The following MPRIP variants were observed in gnomAD, a reference collection of about 807,000 sequenced individuals.
MPRIP encodes the protein myosin phosphatase Rho-interacting protein.
A neutral mutation model predicts 234.9 loss-of-function variants in MPRIP; 59 were observed. The observed-to-expected ratio is 0.25, with a 90% CI of 0.20 to 0.31. The LOEUF (loss-of-function observed/expected upper bound fraction) is 0.31, where lower values mean the gene tolerates loss of function less well. Among genes scored for constraint, MPRIP ranks in the 10% least tolerant of loss-of-function variants. The pLI is 1.00. For synonymous variants in MPRIP, 1,144 were observed against 1,263.9 expected (o/e 0.91, Z 2.01); for missense variants, 2,436 against 3,071.0 (o/e 0.79, Z 4.89).
chr17:17,177,136 C>T, intron 21 of MPRIP, 114 bp from the exon 22 acceptor site: 1 of 1,089,794 alleles, frequency 9.2e-7, no homozygotes, highest in Non-Finnish European at 1.4e-6. Context: ...CAAGCCTCCT[C>T]TTCCGCCCAC....
intron 6 of MPRIP, among the ~76,000 whole-genome samples, chr17:17,137,371 A>G (rs919995643): frequency 6.6e-6 from 1 of 152,098 alleles, no homozygotes; most frequent in African/African-American, 2.4e-5. Flanking sequence ...AAAATTAGCC[A>G]GATGTGGGGG....
At chr17:17,163,033 C>T (rs1037683761) in intron 15 of MPRIP, among the ~76,000 whole-genome samples, 4 of 152,188 alleles carry the variant, frequency 2.6e-5, no homozygotes, top group African/African-American at 9.7e-5. Context: ...AATACCTTTT[C>T]CCTAAGTCTA....
At chr17:17,123,142 A>G (rs1454686925) in intron 3 of MPRIP, among the ~76,000 whole-genome samples, 1 of 152,172 alleles carries the variant, frequency 6.6e-6, no homozygotes, top group East Asian at 1.9e-4. Flanking sequence ...CCATTTATGC[A>G]AGGTATCCAG....
In MPRIP at chr17:17,189,891, T is replaced by C. The variant is rs2046552807; in HGVS notation, c.*4997T>C. 1 of 152,238 alleles carries C rather than the reference T, an allele frequency of 6.6e-6. No homozygotes were observed. The highest frequency in any genetic ancestry group is 1.5e-5 in the Non-Finnish European group (1 of 68,040). 9.4% of individuals were successfully genotyped at this position (152,238 alleles called of 1,614,324 possible). A position where few individuals can be genotyped will look rare whatever the true frequency, so the allele number is the denominator to read the frequency against. ...AGCTGAAGTGAGCGAAGGTTCTCAG[T>C]GCTGGCAAAAGAGCCCACTTTCTAA... On this transcript the variant is annotated 3_prime_UTR_variant, in exon 24 of 24. Coordinates refer to ENST00000651222, the MANE Select transcript of MPRIP (RefSeq NM_001364716.4).
chr17:17,058,582 TC>T (rs2088777387), intron 1 of MPRIP, among the ~76,000 whole-genome samples: 1 of 151,984 alleles, frequency 6.6e-6, no homozygotes, highest in Admixed American at 6.5e-5. Flanking sequence ...CAGGGAGGGC[TC>T]CAGGTCCATT....
At chr17:17,063,797 T>G (rs2088937080) in intron 1 of MPRIP, among the ~76,000 whole-genome samples, 1 of 152,150 alleles carries the variant, frequency 6.6e-6, no homozygotes, top group African/African-American at 2.4e-5. Context: ...CTGGTTGTGA[T>G]GGGGTGGCTG....
chr17:17,085,509 TA>T (rs923837556), intron 3 of MPRIP, among the ~76,000 whole-genome samples: 4 of 152,206 alleles, frequency 2.6e-5, no homozygotes, highest in Admixed American at 1.3e-4. Context: ...CACGGAGTCT[TA>T]ATACAAGTTT....
At position 17,166,134 on chromosome 17, in the gene MPRIP, G is replaced by T. The variant is rs1172034323; in HGVS notation, c.4543G>T (p.Ala1515Ser). 1 of 1,301,532 alleles carries T rather than the reference G, an allele frequency of 7.7e-7. No homozygotes were observed. Among genetic ancestry groups the T allele is most frequent in the African/African-American group, 1.5e-5 (1 of 65,810 alleles). The allele number at this position is 1,301,532 out of a possible 1,614,324, so 80.6% of individuals were successfully genotyped here. A position where few individuals can be genotyped will look rare whatever the true frequency, so the allele number is the denominator to read the frequency against. The change falls in exon 16 of 24, where the codon GCC becomes TCC. Residue 1515 changes from alanine (A) to serine (S), a missense_variant. By Grantham distance (99) the Ala-to-Ser change is moderately conservative. Transcript: ENST00000651222. This position sits in a 1 kb window ranked among gnomAD's most constrained non-coding sequence, Gnocchi z 4.4. ...LASVESALVS[A>S]IQALQHWPAP... ...CAGTGTGGAGAGTGCACTCGTCAGC[G>T]CCATCCAAGCCCTGCAGCACTGGCC... is the stretch of plus-strand genomic sequence containing the variant.
intron 23 of MPRIP, chr17:17,180,729 G>C: frequency 6.7e-7 from 1 of 1,487,616 alleles, no homozygotes; most frequent in Non-Finnish European, 9.4e-7. Flanking sequence ...AAACGCCTGT[G>C]TCATGGTTAC....
chr17:17,153,537 C>G (rs2045655469), intron 12 of MPRIP, among the ~76,000 whole-genome samples: 1 of 151,682 alleles, frequency 6.6e-6, no homozygotes, highest in African/African-American at 2.4e-5. Context: ...TTTGTCCTAC[C>G]TGCTGCCCCG....
Position 17,165,147 on chromosome 17 carries a change from CA to C in MPRIP, c.3557del (p.Gln1186ArgfsTer17). 7.7e-7 allele frequency: 1 copy of C among 1,304,246 alleles called. No individual in the cohort carries two copies. The highest frequency in any genetic ancestry group is 1.0e-6 in the Non-Finnish European group (1 of 988,962). 80.8% of individuals were successfully genotyped at this position (1,304,246 alleles called of 1,614,324 possible). A position where few individuals can be genotyped will look rare whatever the true frequency, so the allele number is the denominator to read the frequency against. ...AHEKVLEKKE[Q>X]DLNEALVKMV... ...TGAGAAGGTTCTGGAGAAGAAGGAG[CA>C]GGACCTCAATGAGGCTTTGGTTAAA... On this transcript the variant is annotated frameshift_variant, in exon 16 of 24. Coordinates refer to ENST00000651222, the MANE Select transcript of MPRIP (RefSeq NM_001364716.4). LOFTEE classifies it high-confidence loss of function.
rs779792010 is a variant in MPRIP, at chr17:17,136,278, C to T, written c.564C>T (p.Ser188=). The T allele has an allele frequency of 6.2e-7, 1 of 1,613,562 alleles. No individual in the cohort carries two copies. The highest frequency in any genetic ancestry group is 2.2e-5 in the East Asian group (1 of 44,886). Residue 188 remains serine (S), a synonymous_variant, in exon 6 of 24, where the codon AGC becomes AGT. Transcript: ENST00000651222. ...TSSSSSSSSS[S]SIPSAEKVPT... ...GCAGCAGCAGCAGCAGCAGCAGCAG[C>T]AGCATCCCCAGTGCTGAGAAAGTCC...
chr17:17,137,813 A>G lies in MPRIP; in HGVS notation c.737-103A>G, dbSNP rs1353184972. ...TGGATGTTAGAGACGGGAGGTGGAG[A>G]AGGCCCCTGCTTGGATCCTACATGG... is the stretch of plus-strand genomic sequence containing the variant. On this transcript the variant is annotated intron_variant, in intron 6 of 23. Transcript: ENST00000651222. The G allele has an allele frequency of 4.0e-6, 4 of 990,726 alleles. No homozygotes were observed. In the African/African-American group the frequency reaches 6.8e-5, roughly 17 times the overall value. 61.4% of individuals were successfully genotyped at this position (990,726 alleles called of 1,614,324 possible).
chr17:17,064,249 T>C (rs2088955253), intron 1 of MPRIP, among the ~76,000 whole-genome samples: 1 of 150,672 alleles, frequency 6.6e-6, no homozygotes, highest in Non-Finnish European at 1.5e-5. Context: ...TTGCCCAGGC[T>C]GGGGTGCAGT....
intron 7 of MPRIP, among the ~76,000 whole-genome samples, chr17:17,141,163 C>T (rs78574480): frequency 0.043 from 6,504 of 152,308 alleles, 235 homozygotes; most frequent in East Asian, 0.12. Flanking sequence ...TTCCTCACTG[C>T]TTTCCTGGGG....
chr17:17,131,282 G>A (rs2090591262), intron 4 of MPRIP, among the ~76,000 whole-genome samples: 1 of 152,212 alleles, frequency 6.6e-6, no homozygotes, highest in African/African-American at 2.4e-5. Flanking sequence ...CAGCTCGTCT[G>A]TACTCTCACC....
chr17:17,161,204 C>A lies in MPRIP; in HGVS notation c.2401-36C>A. Reference sequence around the variant, plus strand: ...GTGCAGCTGCTTTGTTTATCATTGTCATTTTGCATAAAAGTGTGTGTCTTT... The same window carrying A: ...GTGCAGCTGCTTTGTTTATCATTGTAATTTTGCATAAAAGTGTGTGTCTTT... On this transcript the variant is annotated intron_variant, in intron 14 of 23. Coordinates refer to ENST00000651222, the MANE Select transcript of MPRIP (RefSeq NM_001364716.4). 4 of 1,478,802 alleles carry A rather than the reference C, an allele frequency of 2.7e-6. No homozygotes were observed. In the South Asian group the frequency reaches 4.7e-5, roughly 17 times the overall value. 91.6% of individuals were successfully genotyped at this position (1,478,802 alleles called of 1,614,324 possible). A position where few individuals can be genotyped will look rare whatever the true frequency, so the allele number is the denominator to read the frequency against.
intron 17 of MPRIP, 29 bp from the exon 18 acceptor site, chr17:17,172,669 C>T (rs375221928): frequency 3.5e-5 from 55 of 1,586,488 alleles, no homozygotes; most frequent in Non-Finnish European, 3.5e-5. Flanking sequence ...CGTGGTCCCT[C>T]GGTGCTGAGG....
chr17:17,167,526 G>T lies in MPRIP; in HGVS notation c.5935G>T (p.Ala1979Ser), dbSNP rs1322923510. The change falls in exon 16 of 24, where the codon GCC becomes TCC. Residue 1979 changes from alanine (A) to serine (S), a missense_variant. Coordinates refer to ENST00000651222, the MANE Select transcript of MPRIP (RefSeq NM_001364716.4). The surrounding 1 kb of genome is among the most constrained non-coding windows in gnomAD (Gnocchi z 5.9). ...CAGCCGGGTCCTGAGCCAGCTGGAT[G>T]CCTCGGTCAGAGACAGGCAGGACAT... is the stretch of plus-strand genomic sequence containing the variant. Reference protein sequence around the residue: ...ERSRVLSQLDASVRDRQDMER... With the variant: ...ERSRVLSQLDSSVRDRQDMER... The T allele has an allele frequency of 1.5e-6, 2 of 1,304,140 alleles. No homozygotes were observed. Among genetic ancestry groups the T allele is most frequent in the Non-Finnish European group, 1.0e-6 (1 of 988,964 alleles). 80.8% of individuals were successfully genotyped at this position (1,304,140 alleles called of 1,614,324 possible).
Sources: allele counts gnomAD v4.1 joint callset (sites outside exome capture counted in the v4.1 genomes callset), GRCh38; gene constraint gnomAD v4.1.1; non-coding constraint Gnocchi (gnomAD v3.1); transcripts MANE v1.5; gene names NCBI Gene and HGNC (gene_info 2026-07-23, HGNC 2026-07-21).